UNC5C: variants seen among roughly 807,000 people sequenced by gnomAD.
UNC5C encodes unc-5 netrin receptor C.
UNC5C carries 47 observed loss-of-function variants against 99.8 expected under a neutral mutation model. That is an observed-to-expected ratio of 0.47 (90% CI 0.37 to 0.60). UNC5C has a LOEUF of 0.60. UNC5C is among the 20% of genes least tolerant of loss of function. UNC5C has a pLI of 0.00. For synonymous variants in UNC5C, 487 were observed against 452.2 expected (o/e 1.08, Z -0.98); for missense variants, 1,062 against 1,165.9 (o/e 0.91, Z 1.30).
intron 12 of UNC5C, among the ~76,000 whole-genome samples, chr4:95,193,091 T>C (rs745754530): frequency 1.3e-5 from 2 of 152,250 alleles, no homozygotes; most frequent in Admixed American, 6.5e-5. Flanking sequence ...TTCACTCTGC[T>C]AGCTTCTTTC....
At chr4:95,267,859 A>T (rs1740504413) in intron 4 of UNC5C, among the ~76,000 whole-genome samples, 1 of 152,124 alleles carries the variant, frequency 6.6e-6, no homozygotes, top group Non-Finnish European at 1.5e-5. Flanking sequence ...TCATGGAAAC[A>T]TATAAGTAGA....
At chr4:95,451,161 C>T (rs1387790786) in intron 1 of UNC5C, among the ~76,000 whole-genome samples, 2 of 152,136 alleles carry the variant, frequency 1.3e-5, no homozygotes, top group Admixed American at 1.3e-4. Context: ...ACGTGGAAGT[C>T]TTGTTAATCT....
intron 9 of UNC5C, among the ~76,000 whole-genome samples, chr4:95,218,688 A>C (rs147828690): frequency 1.0e-3 from 152 of 152,344 alleles, no homozygotes; most frequent in African/African-American, 3.5e-3. Context: ...CTGAAGTTCT[A>C]GTAAAAAGGA....
chr4:95,356,218 C>CAA (rs796623348), intron 1 of UNC5C, among the ~76,000 whole-genome samples: 3 of 81,804 alleles, frequency 3.7e-5, no homozygotes, highest in African/African-American at 1.4e-4. Flanking sequence ...AAAAACAAAA[C>CAA]AAAAAAAAAA....
intron 1 of UNC5C, among the ~76,000 whole-genome samples, chr4:95,499,936 A>G (rs1721736159): frequency 6.6e-6 from 1 of 150,654 alleles, no homozygotes; most frequent in Non-Finnish European, 1.5e-5. Flanking sequence ...TAGGCCATTC[A>G]GTGCAGATTT....
At chr4:95,477,749 T>C (rs1308322255) in intron 1 of UNC5C, among the ~76,000 whole-genome samples, 4 of 151,980 alleles carry the variant, frequency 2.6e-5, no homozygotes, top group Non-Finnish European at 4.4e-5. Flanking sequence ...AGCAGGATTT[T>C]CATGAAGAGC....
chr4:95,289,360 C>A (rs567508482), intron 3 of UNC5C, among the ~76,000 whole-genome samples: 1 of 152,214 alleles, frequency 6.6e-6, no homozygotes, highest in Non-Finnish European at 1.5e-5. Context: ...AAAAGGCCCT[C>A]GATCTGTGGA....
chr4:95,344,840 C>T (rs991820464), intron 1 of UNC5C, among the ~76,000 whole-genome samples: 19 of 151,370 alleles, frequency 1.3e-4, no homozygotes, highest in Non-Finnish European at 2.8e-4. Context: ...AGAAAACATA[C>T]ACAAAATAAA....
intron 2 of UNC5C, among the ~76,000 whole-genome samples, chr4:95,333,336 G>T (rs937442254): frequency 1.3e-5 from 2 of 152,132 alleles, no homozygotes; most frequent in Non-Finnish European, 1.5e-5. Context: ...GTCCAACAAC[G>T]ATAGATTGGA....
At chr4:95,352,146 C>G (rs1744014110) in intron 1 of UNC5C, among the ~76,000 whole-genome samples, 1 of 152,116 alleles carries the variant, frequency 6.6e-6, no homozygotes, top group Non-Finnish European at 1.5e-5. Context: ...CCCTTCAATG[C>G]CTTTGCACTG....
At position 95,234,459 on chromosome 4, in the gene UNC5C, G is replaced by A. The variant is rs193129048; in HGVS notation, c.1108+7970C>T. On this transcript the variant is annotated intron_variant, in intron 7 of 15. Transcript: ENST00000453304. Reference sequence around the variant, plus strand: ...AGTTACATATGTATACATGTGCCACGTTCGTGTGCTGCACCCAATTAACTC... The same window carrying A: ...AGTTACATATGTATACATGTGCCACATTCGTGTGCTGCACCCAATTAACTC... 2.9e-3 allele frequency among the ~76,000 whole-genome samples: 438 copies of A among 151,620 alleles called. 9 individuals are homozygous for A. The highest frequency in any genetic ancestry group is 1.5e-3 in the Non-Finnish European group (105 of 67,968).
intron 1 of UNC5C, among the ~76,000 whole-genome samples, chr4:95,421,865 T>G (rs1445332610): frequency 6.6e-6 from 1 of 152,240 alleles, no homozygotes; most frequent in Non-Finnish European, 1.5e-5. Context: ...GACATATTTT[T>G]TCCTCTTTAT....
At chr4:95,170,801 C>T (rs1044202352) in intron 14 of UNC5C, among the ~76,000 whole-genome samples, 1 of 152,202 alleles carries the variant, frequency 6.6e-6, no homozygotes, top group Non-Finnish European at 1.5e-5. Context: ...GCAAATGCTC[C>T]AGTAGTTCTG....
At chr4:95,403,093 G>A (rs1745743951) in intron 1 of UNC5C, among the ~76,000 whole-genome samples, 1 of 152,024 alleles carries the variant, frequency 6.6e-6, no homozygotes, top group African/African-American at 2.4e-5. Flanking sequence ...TTAGACACGT[G>A]GGCCAGTAAT....
At chr4:95,354,638 T>C (rs988789022) in intron 1 of UNC5C, among the ~76,000 whole-genome samples, 1 of 151,704 alleles carries the variant, frequency 6.6e-6, no homozygotes, top group Non-Finnish European at 1.5e-5. Flanking sequence ...TGCACCACTA[T>C]GCCTGGCTAA....
At chr4:95,274,912 G>C (rs916442743) in intron 4 of UNC5C, among the ~76,000 whole-genome samples, 1 of 151,976 alleles carries the variant, frequency 6.6e-6, no homozygotes, top group Admixed American at 6.6e-5. Context: ...TGTAATTCCA[G>C]CTACCCAGAA....
chr4:95,455,802 T>C (rs74954824), intron 1 of UNC5C, among the ~76,000 whole-genome samples: 1 of 152,144 alleles, frequency 6.6e-6, no homozygotes. Context: ...TATTAATAAC[T>C]TGACGTTCTA....
At position 95,312,937 on chromosome 4, in the gene UNC5C, T is replaced by C. The variant is rs145388995; in HGVS notation, c.347-11188A>G. ...CTCTCAGTATGGTTTTGTTTAGCATTCTCTACATTGATCTACTGAATAAAA... is the reference window on the plus strand; with the variant it reads ...CTCTCAGTATGGTTTTGTTTAGCATCCTCTACATTGATCTACTGAATAAAA... On this transcript the variant is annotated intron_variant, in intron 2 of 15. Coordinates refer to ENST00000453304, the MANE Select transcript of UNC5C (RefSeq NM_003728.4). 5.5e-3 allele frequency among the ~76,000 whole-genome samples: 830 copies of C among 152,282 alleles called. 6 individuals carry two copies. The highest frequency in any genetic ancestry group is 7.7e-3 in the Non-Finnish European group (522 of 68,012).
At chr4:95,481,689 C>T (rs1182442476) in intron 1 of UNC5C, among the ~76,000 whole-genome samples, 1 of 152,082 alleles carries the variant, frequency 6.6e-6, no homozygotes, top group Non-Finnish European at 1.5e-5. Context: ...GAACAGAGCC[C>T]TCAGAAATAA....
Sources: gnomAD v4.1 joint callset for allele counts (sites outside exome capture counted in the v4.1 genomes callset) on GRCh38, gnomAD v4.1.1 for gene constraint, MANE v1.5 for transcripts, NCBI Gene and HGNC (gene_info 2026-07-23, HGNC 2026-07-21) for gene names.